TPRG1: variants seen among roughly 807,000 people sequenced by gnomAD.
The protein encoded by TPRG1 is tumor protein p63-regulated gene 1 protein.
Under a neutral mutation model 29.3 loss-of-function variants are expected in TPRG1, and 29 were observed. The observed-to-expected ratio is 0.99, with a 90% confidence interval of 0.74 to 1.35. TPRG1 has a LOEUF of 1.35. Ranked by LOEUF, TPRG1 falls within the 40% of genes most tolerant of loss-of-function variation. TPRG1 has a pLI of 0.00. For missense variants in TPRG1, 327 were observed against 335.0 expected (o/e 0.98, Z 0.19); for synonymous variants, 130 against 116.8 (o/e 1.11, Z -0.73).
At chr3:189,266,693 A>G (rs1714152966) in intron 4 of TPRG1, among the ~76,000 whole-genome samples, 2 of 152,168 alleles carry the variant, frequency 1.3e-5, no homozygotes, top group Non-Finnish European at 2.9e-5. Flanking sequence ...AGTGACCTTA[A>G]ACCCCATAAA....
At chr3:189,017,134 C>T (rs1245213291) in intron 3 of TPRG1, among the ~76,000 whole-genome samples, 1 of 150,836 alleles carries the variant, frequency 6.6e-6, no homozygotes, top group East Asian at 1.9e-4. Flanking sequence ...TTGTTCATGC[C>T]TTTTCATTTT....
chr3:189,271,478 A>T (rs139063707), intron 4 of TPRG1, among the ~76,000 whole-genome samples: 6 of 152,248 alleles, frequency 3.9e-5, no homozygotes, highest in Admixed American at 1.3e-4. Context: ...TCTTTACTGA[A>T]GGCCCTCAGT....
intron 3 of TPRG1, among the ~76,000 whole-genome samples, chr3:189,008,286 C>G (rs988044666): frequency 3.3e-5 from 5 of 152,108 alleles, no homozygotes; most frequent in African/African-American, 4.8e-5. Context: ...CTAGGAGAGG[C>G]AGCACACTGT....
chr3:189,060,213 C>G (rs1421960405), intron 4 of TPRG1, among the ~76,000 whole-genome samples: 2 of 152,220 alleles, frequency 1.3e-5, no homozygotes, highest in Non-Finnish European at 2.9e-5. Flanking sequence ...GCCTGGGCAA[C>G]AAGAGCGAAA....
chr3:189,157,041 C>T (rs778950604), intron 5 of TPRG1, among the ~76,000 whole-genome samples: 3 of 152,142 alleles, frequency 2.0e-5, no homozygotes, highest in Non-Finnish European at 2.9e-5. Flanking sequence ...GGAGTTGGAG[C>T]GCCTGGTTTT....
intron 5 of TPRG1, among the ~76,000 whole-genome samples, chr3:189,155,385 C>T (rs1726526847): frequency 6.6e-6 from 1 of 152,070 alleles, no homozygotes; most frequent in Non-Finnish European, 1.5e-5. Flanking sequence ...CACAGTGGCC[C>T]TCTAACATGT....
At chr3:189,318,352 G>C (rs1723882251) in intron 5 of TPRG1, among the ~76,000 whole-genome samples, 1 of 152,116 alleles carries the variant, frequency 6.6e-6, no homozygotes, top group African/African-American at 2.4e-5. Context: ...TGGAGGTATA[G>C]GTATAGGAAA....
intron 5 of TPRG1, among the ~76,000 whole-genome samples, chr3:189,155,207 G>C (rs1184052170): frequency 7.9e-5 from 12 of 152,104 alleles, no homozygotes; most frequent in Non-Finnish European, 1.2e-4. Flanking sequence ...TTTGAGGAAG[G>C]GATTGACATT....
intron 1 of TPRG1, among the ~76,000 whole-genome samples, chr3:189,185,982 A>C (rs1278636580): frequency 6.6e-6 from 1 of 152,194 alleles, no homozygotes; most frequent in Non-Finnish European, 1.5e-5. Context: ...TGCATACCTC[A>C]TGTGATACAA....
At chr3:189,313,218 G>C (rs1253496683) in intron 5 of TPRG1, 1 of 151,950 alleles carries the variant, frequency 6.6e-6, no homozygotes, top group Non-Finnish European at 1.5e-5. Flanking sequence ...TTTCTCTTTT[G>C]TTGTTGGTTT....
At chr3:189,071,152 A>T (rs1159848762) in intron 4 of TPRG1, among the ~76,000 whole-genome samples, 1 of 151,864 alleles carries the variant, frequency 6.6e-6, no homozygotes, top group Non-Finnish European at 1.5e-5. Context: ...TCTGGTCACC[A>T]GGGCAGAGAA....
Position 189,087,939 on chromosome 3 carries a change from A to G in TPRG1, c.-462-39118A>G, listed in dbSNP as rs536331838. ...GTAGTATAGTTTGAAGTCAGGTAGC[A>G]TGATGCCTCCAGCTTTGTTCTTTTG... is the stretch of plus-strand genomic sequence containing the variant. On this transcript the variant is annotated intron_variant, in intron 4 of 10. Transcript: ENST00000433971. 2.0e-4 allele frequency among the ~76,000 whole-genome samples: 31 copies of G among 152,234 alleles called. No individual in the cohort carries two copies. In the South Asian group the frequency reaches 2.7e-3, roughly 13 times the overall value.
At chr3:189,222,921 C>T (rs1031262914) in intron 3 of TPRG1, among the ~76,000 whole-genome samples, 2 of 152,182 alleles carry the variant, frequency 1.3e-5, no homozygotes, top group African/African-American at 4.8e-5. Flanking sequence ...TTCTGCTAAC[C>T]CGGCCTTCTC....
At chr3:189,308,977 G>A (rs1280678372) in intron 4 of TPRG1, among the ~76,000 whole-genome samples, 1 of 151,292 alleles carries the variant, frequency 6.6e-6, no homozygotes, top group Admixed American at 6.6e-5. Context: ...AACTTTAGAG[G>A]TATATTTTTC....
At position 189,324,878 on chromosome 3, in the gene TPRG1, G is replaced by C. The variant is rs997796861; in HGVS notation, c.*4058G>C. On this transcript the variant is annotated 3_prime_UTR_variant, in exon 6 of 6. Coordinates refer to ENST00000345063, the MANE Select transcript of TPRG1 (RefSeq NM_198485.4). ...TTGGCCAACAATTATACAAGGGCTT[G>C]TGCCCACATCCTGTAGCTGTGGTTT... 1.3e-5 allele frequency: 2 copies of C among 152,306 alleles called. No individual in the cohort carries two copies. The highest frequency in any genetic ancestry group is 4.8e-5 in the African/African-American group (2 of 41,570). The allele number at this position is 152,306 out of a possible 1,614,324, so 9.4% of individuals were successfully genotyped here.
chr3:189,228,149 A>G (rs1738071567), intron 3 of TPRG1, among the ~76,000 whole-genome samples: 1 of 152,186 alleles, frequency 6.6e-6, no homozygotes, highest in Non-Finnish European at 1.5e-5. Flanking sequence ...AACAACGACG[A>G]CAACAACAAT....
chr3:189,214,090 T>A lies in TPRG1; in HGVS notation c.211-1202T>A, dbSNP rs573645370. On this transcript the variant is annotated intron_variant, in intron 2 of 5. Transcript: ENST00000345063. ...TCAAAGGATAGATCATTTTTCATTTTGATAGGCTTTGCCAATTATTTTCCA... is the reference window on the plus strand; with the variant it reads ...TCAAAGGATAGATCATTTTTCATTTAGATAGGCTTTGCCAATTATTTTCCA... Among the ~76,000 whole-genome samples, 5 of 152,338 alleles carry A rather than the reference T, an allele frequency of 3.3e-5. No homozygotes were observed. In the South Asian group the frequency reaches 1.0e-3, roughly 32 times the overall value.
At chr3:189,219,593 G>A (rs1736631353) in intron 3 of TPRG1, 13 of 1,287,522 alleles carry the variant, frequency 1.0e-5, no homozygotes, top group African/African-American at 1.5e-5. Context: ...CCAGCACCAA[G>A]GAGAACATCT....
chr3:189,064,126 A>G (rs747564402), intron 4 of TPRG1, among the ~76,000 whole-genome samples: 10 of 152,130 alleles, frequency 6.6e-5, no homozygotes, highest in Non-Finnish European at 1.0e-4. Flanking sequence ...TAAGTTCACA[A>G]TTTTCATTGT....
Sources: gnomAD v4.1 joint callset for allele counts (sites outside exome capture counted in the v4.1 genomes callset) on GRCh38, gnomAD v4.1.1 for gene constraint, MANE v1.5 for transcripts, NCBI Gene and HGNC (gene_info 2026-07-23, HGNC 2026-07-21) for gene names.